Variants in TENM2 observed in about 807,000 individuals in gnomAD.
TENM2 encodes teneurin transmembrane protein 2.
Under a neutral mutation model 245.2 loss-of-function variants are expected in TENM2, and 52 were observed. That is an observed-to-expected ratio of 0.21 (90% CI 0.17 to 0.27). The LOEUF (loss-of-function observed/expected upper bound fraction) is 0.27, where lower values mean the gene tolerates loss of function less well. TENM2 is among the 10% of genes least tolerant of loss of function. TENM2 has a pLI of 1.00. For missense variants in TENM2, 3,046 were observed against 3,666.8 expected (o/e 0.83, Z 4.37); for synonymous variants, 1,363 against 1,438.9 (o/e 0.95, Z 1.19).
intron 2 of TENM2, among the ~76,000 whole-genome samples, chr5:167,866,427 A>G (rs1225388620): frequency 1.3e-5 from 2 of 151,206 alleles, no homozygotes; most frequent in African/African-American, 4.9e-5. Flanking sequence ...GAACTCATGA[A>G]GCAGAGGCTG....
intron 2 of TENM2, among the ~76,000 whole-genome samples, chr5:167,525,416 C>G (rs1771047025): frequency 6.6e-6 from 1 of 152,106 alleles, no homozygotes; most frequent in African/African-American, 2.4e-5. Flanking sequence ...GCTCCACGTA[C>G]CAACCTAAGC....
At chr5:168,129,664 A>G (rs1256675283) in intron 12 of TENM2, 1 of 152,200 alleles carries the variant, frequency 6.6e-6, no homozygotes, top group Non-Finnish European at 1.5e-5. Context: ...TACATGCATA[A>G]TTGCATCTTT....
chr5:167,364,402 A>T (rs1581849164), intron 1 of TENM2, among the ~76,000 whole-genome samples: 2 of 152,222 alleles, frequency 1.3e-5, no homozygotes, highest in African/African-American at 2.4e-5. Context: ...GAGGGAGGAA[A>T]ATGCAGGGAG....
intron 2 of TENM2, among the ~76,000 whole-genome samples, chr5:167,763,243 A>C (rs73801388): frequency 6.6e-6 from 1 of 152,214 alleles, no homozygotes; most frequent in Non-Finnish European, 1.5e-5. Flanking sequence ...ACCTTGGTTC[A>C]TATTCCATCC....
chr5:167,764,922 A>G (rs993478707), intron 2 of TENM2, among the ~76,000 whole-genome samples: 10 of 152,150 alleles, frequency 6.6e-5, no homozygotes, highest in Admixed American at 5.2e-4. Context: ...GATATACCAC[A>G]TTTTAGAGAA....
At position 167,635,626 on chromosome 5, in the gene TENM2, G is replaced by A. The variant is rs566713679; in HGVS notation, c.503-240360G>A. Among the ~76,000 whole-genome samples the A allele has an allele frequency of 5.9e-3, 685 of 115,370 alleles. 15 individuals carry two copies. Among genetic ancestry groups the A allele is most frequent in the Non-Finnish European group, 6.5e-3 (403 of 61,888 alleles). 75.7% of individuals were successfully genotyped at this position (115,370 alleles called of 152,430 possible). A position where few individuals can be genotyped will look rare whatever the true frequency, so the allele number is the denominator to read the frequency against. On this transcript the variant is annotated intron_variant, in intron 2 of 28. Transcript: ENST00000518659. ...AATACAAGGAATCTGGCTATGATCA[G>A]TACAGTCTTTTTTTTTTTTTTTTTT... is the stretch of plus-strand genomic sequence containing the variant.
At chr5:167,084,327 T>TATATA in the TENM2 span, among the ~76,000 whole-genome samples, 2 of 23,170 alleles carry the variant, frequency 8.6e-5, no homozygotes, top group Non-Finnish European at 1.2e-4. Context: ...GCCATTTTAG[T>TATATA]TATATATATA....
At chr5:167,511,961 C>G (rs1769985436) in intron 2 of TENM2, among the ~76,000 whole-genome samples, 1 of 152,098 alleles carries the variant, frequency 6.6e-6, no homozygotes, top group African/African-American at 2.4e-5. Context: ...TCATTGTCAG[C>G]CTTTTATAGG....
chr5:167,179,007 A>G, the TENM2 span, among the ~76,000 whole-genome samples: 2 of 152,174 alleles, frequency 1.3e-5, no homozygotes, highest in African/African-American at 4.8e-5. Flanking sequence ...AGGTTAGGAG[A>G]GGTTCCGTAT....
At chr5:167,108,216 C>T in the TENM2 span, among the ~76,000 whole-genome samples, 1 of 150,852 alleles carries the variant, frequency 6.6e-6, no homozygotes, top group East Asian at 1.9e-4. Context: ...ACCTCTGCCT[C>T]CCAGGTTCAA....
intron 12 of TENM2, among the ~76,000 whole-genome samples, chr5:168,158,846 TATATACAC>T: frequency 1.2e-5 from 1 of 85,716 alleles, no homozygotes; most frequent in South Asian, 3.0e-4. Flanking sequence ...TATATATATA[TATATACAC>T]ACACACACAC....
At chr5:167,037,633 A>G in the TENM2 span, among the ~76,000 whole-genome samples, 2 of 152,180 alleles carry the variant, frequency 1.3e-5, no homozygotes, top group African/African-American at 4.8e-5. Flanking sequence ...CAACCATGTA[A>G]AACTTGCAGA....
intron 2 of TENM2, among the ~76,000 whole-genome samples, chr5:167,503,774 G>A (rs780954486): frequency 3.9e-5 from 6 of 152,124 alleles, no homozygotes; most frequent in Non-Finnish European, 8.8e-5. Context: ...CATGCCTGTA[G>A]TCCAAGCTAT....
chr5:167,549,965 A>T (rs1772822446), intron 2 of TENM2, among the ~76,000 whole-genome samples: 1 of 152,190 alleles, frequency 6.6e-6, no homozygotes, highest in Non-Finnish European at 1.5e-5. Flanking sequence ...AGGCATAACC[A>T]TGTGGAATTG....
At chr5:168,200,212 A>T (rs967798378) in intron 17 of TENM2, 81 bp downstream of exon 19, 14 of 1,318,576 alleles carry the variant, frequency 1.1e-5, no homozygotes, top group Non-Finnish European at 1.5e-5. Flanking sequence ...AGTTCCGAGG[A>T]TATGCCAAGC....
chr5:167,022,084 G>T, the TENM2 span, among the ~76,000 whole-genome samples: 1 of 152,080 alleles, frequency 6.6e-6, no homozygotes, highest in East Asian at 1.9e-4. Flanking sequence ...ATATTCAAGG[G>T]TCTTCATATA....
At chr5:167,078,988 G>C in the TENM2 span, among the ~76,000 whole-genome samples, 1 of 152,100 alleles carries the variant, frequency 6.6e-6, no homozygotes, top group Non-Finnish European at 1.5e-5. Context: ...GAGGGAAAAA[G>C]ACACTTGTTT....
At chr5:168,154,146 TTAAA>T (rs1756903998) in intron 12 of TENM2, among the ~76,000 whole-genome samples, 4 of 75,724 alleles carry the variant, frequency 5.3e-5, no homozygotes, top group Non-Finnish European at 9.7e-5. Flanking sequence ...ATCACCTACT[TTAAA>T]AAAAAAAAAA....
chr5:167,862,722 C>A (rs145247564), intron 2 of TENM2, among the ~76,000 whole-genome samples: 60 of 152,302 alleles, frequency 3.9e-4, no homozygotes, highest in African/African-American at 1.3e-3. Context: ...TTTGGAGGTT[C>A]ATTCTGACCT....
Sources: allele counts gnomAD v4.1 joint callset (sites outside exome capture counted in the v4.1 genomes callset), GRCh38; gene constraint gnomAD v4.1.1; transcripts MANE v1.5; gene names NCBI Gene and HGNC (gene_info 2026-07-23, HGNC 2026-07-21).